XXYLT1: variants seen among roughly 807,000 people sequenced by gnomAD.
XXYLT1 encodes the protein xyloside xylosyltransferase 1.
Under a neutral mutation model 28.9 loss-of-function variants are expected in XXYLT1, and 20 were observed. The ratio of observed to expected loss-of-function variants is 0.69; its 90% CI spans 0.49 to 1.00. XXYLT1 has a LOEUF of 1.00. XXYLT1 is among the 50% of genes least tolerant of loss of function. The pLI is 0.00. For missense variants in XXYLT1, 542 were observed against 560.1 expected (o/e 0.97, Z 0.33); for synonymous variants, 257 against 253.8 (o/e 1.01, Z -0.12).
At chr3:195,071,797 T>C (rs6806857) in intron 3 of XXYLT1, among the ~76,000 whole-genome samples, 42,756 of 151,848 alleles carry the variant, frequency 0.28, 7,252 homozygotes, top group East Asian at 0.62. Flanking sequence ...CAGGGCACCA[T>C]GACATCAGAG....
chr3:195,086,432 A>T (rs192286929), intron 3 of XXYLT1, among the ~76,000 whole-genome samples: 5 of 152,296 alleles, frequency 3.3e-5, no homozygotes, highest in Non-Finnish European at 7.4e-5. Flanking sequence ...CCCTGTCTCC[A>T]TGCATGTGAA....
rs1435559857 is a variant in XXYLT1 at position 195,133,938 on chromosome 3, G to C, written c.785+22511C>G. On this transcript the variant is annotated intron_variant, in intron 3 of 3. Coordinates refer to ENST00000310380, the MANE Select transcript of XXYLT1 (RefSeq NM_152531.5). This position sits in a 1 kb window ranked among gnomAD's most constrained non-coding sequence, Gnocchi z 4.4. ...AAAAAGTATTTACTTTTGGCTGGGT[G>C]TGGAGGCTCATGCCTGTAATCCTGG... 6.6e-6 allele frequency among the ~76,000 whole-genome samples: 1 copy of C among 152,198 alleles called. No individual in the cohort carries two copies. The highest frequency in any genetic ancestry group is 1.5e-5 in the Non-Finnish European group (1 of 68,036).
intron 3 of XXYLT1, among the ~76,000 whole-genome samples, chr3:195,111,757 A>G (rs1322075965): frequency 6.6e-6 from 1 of 152,176 alleles, no homozygotes; most frequent in Non-Finnish European, 1.5e-5. Context: ...ACAGACTTCT[A>G]ACATAAGCTG....
rs373276340 is a variant in XXYLT1, at chr3:195,250,389, C to T, written c.504+20166G>A. ...ACTAGCCTGGCCAACGTGGTGAAAC[C>T]CCGTCTCTACTAAAAAATACAAAAA... On this transcript the variant is annotated intron_variant, in intron 1 of 3. Coordinates refer to ENST00000310380, the MANE Select transcript of XXYLT1 (RefSeq NM_152531.5). Among the ~76,000 whole-genome samples the T allele has an allele frequency of 1.4e-3, 207 of 152,194 alleles. No individual in the cohort carries two copies. The Middle Eastern group carries it at 0.02, about 15-fold the overall frequency.
intron 2 of XXYLT1, among the ~76,000 whole-genome samples, chr3:195,192,000 C>T (rs1207749237): frequency 6.6e-6 from 1 of 152,164 alleles, no homozygotes; most frequent in South Asian, 2.1e-4. Flanking sequence ...GCAACTTGAC[C>T]TAACTGACAT....
intron 2 of XXYLT1, among the ~76,000 whole-genome samples, chr3:195,220,850 C>T (rs1723794418): frequency 6.6e-6 from 1 of 152,220 alleles, no homozygotes; most frequent in Admixed American, 6.5e-5. Flanking sequence ...TGAAAAGTGA[C>T]TATCCACATT....
chr3:195,123,049 G>T (rs930732138), intron 3 of XXYLT1, among the ~76,000 whole-genome samples: 2 of 152,152 alleles, frequency 1.3e-5, no homozygotes, highest in Non-Finnish European at 1.5e-5. Flanking sequence ...TGGAGGAGAT[G>T]ATCTCCATGT....
chr3:195,205,153 T>C (rs1046821501), intron 2 of XXYLT1, among the ~76,000 whole-genome samples: 6 of 152,208 alleles, frequency 3.9e-5, no homozygotes, highest in Admixed American at 6.5e-5. Context: ...AACAAGTAAC[T>C]ACCAAAAGAC....
intron 3 of XXYLT1, among the ~76,000 whole-genome samples, chr3:195,151,645 C>G (rs192767556): frequency 2.0e-5 from 3 of 151,068 alleles, no homozygotes; most frequent in South Asian, 4.2e-4. Context: ...TATAAATAAA[C>G]GATTATTTAT....
At chr3:195,122,177 C>T (rs1283067585) in intron 3 of XXYLT1, 2 of 702,972 alleles carry the variant, frequency 2.8e-6, no homozygotes, top group South Asian at 1.5e-5. Flanking sequence ...TTCATCAGGA[C>T]ACTCATCCCA....
At chr3:195,153,024 G>A (rs7651863) in intron 3 of XXYLT1, among the ~76,000 whole-genome samples, 2 of 152,200 alleles carry the variant, frequency 1.3e-5, no homozygotes, top group African/African-American at 4.8e-5. Flanking sequence ...GGCAAGAGGG[G>A]ACCTCTGTGG....
Position 195,115,538 on chromosome 3 carries a change from C to A in XXYLT1, c.785+40911G>T, listed in dbSNP as rs918046288. Among the ~76,000 whole-genome samples the A allele has an allele frequency of 6.6e-6, 1 of 152,326 alleles. No homozygotes were observed. Among genetic ancestry groups the A allele is most frequent in the East Asian group, 1.9e-4 (1 of 5,184 alleles). ...CACCTGGAGTGGTTTCTGCTTCCTA[C>A]GCGATCCCTGGTTGATAAACCCTGC... is the stretch of plus-strand genomic sequence containing the variant. On this transcript the variant is annotated intron_variant, in intron 3 of 3. Transcript: ENST00000310380. The surrounding 1 kb of genome is among the most constrained non-coding windows in gnomAD (Gnocchi z 4.2).
intron 2 of XXYLT1, among the ~76,000 whole-genome samples, chr3:195,194,143 G>T (rs1722531794): frequency 6.6e-6 from 1 of 151,692 alleles, no homozygotes; most frequent in African/African-American, 2.4e-5. Flanking sequence ...AAAAATATTT[G>T]TAAATCGTAT....
chr3:195,143,855 G>T (rs13074722), intron 3 of XXYLT1, among the ~76,000 whole-genome samples: 1,202 of 75,034 alleles, frequency 0.016, 63 homozygotes, highest in East Asian at 0.14. Flanking sequence ...TATATATATA[G>T]ATATATATAG....
chr3:195,245,137 G>A (rs925296742), intron 1 of XXYLT1, among the ~76,000 whole-genome samples: 1 of 151,214 alleles, frequency 6.6e-6, no homozygotes, highest in Admixed American at 6.6e-5. Context: ...TTGCTCTTCA[G>A]CCTTATGTGT....
At chr3:195,160,140 C>T (rs945113464) in intron 2 of XXYLT1, among the ~76,000 whole-genome samples, 1 of 152,142 alleles carries the variant, frequency 6.6e-6, no homozygotes, top group Non-Finnish European at 1.5e-5. Context: ...CCTTTCCCTT[C>T]TCCTATCCCC....
chr3:195,150,831 TACGCACAC>T lies in XXYLT1; in HGVS notation c.785+5610_785+5617del, dbSNP rs1383818820. Among the ~76,000 whole-genome samples, 115 of 132,240 alleles carry T rather than the reference TACGCACAC, an allele frequency of 8.7e-4. No individual in the cohort carries two copies. The highest frequency in any genetic ancestry group is 3.2e-3 in the African/African-American group (103 of 32,356). 86.8% of individuals were successfully genotyped at this position (132,240 alleles called of 152,430 possible). A position where few individuals can be genotyped will look rare whatever the true frequency, so the allele number is the denominator to read the frequency against. ...ACTCACATACACACACACTCACACA[TACGCACAC>T]TCTCTCACACACTCTCACACACACA... On this transcript the variant is annotated intron_variant, in intron 3 of 3. Coordinates refer to ENST00000310380, the MANE Select transcript of XXYLT1 (RefSeq NM_152531.5). The surrounding 1 kb of genome is among the most constrained non-coding windows in gnomAD (Gnocchi z 4.7).
At chr3:195,126,560 C>T (rs7625086) in intron 3 of XXYLT1, among the ~76,000 whole-genome samples, 2,771 of 152,254 alleles carry the variant, frequency 0.018, 89 homozygotes, top group African/African-American at 0.062. Context: ...CTCAATTCTG[C>T]GACAGTCTCG....
chr3:195,113,268 T>C (rs1040629198), intron 3 of XXYLT1, among the ~76,000 whole-genome samples: 1 of 152,212 alleles, frequency 6.6e-6, no homozygotes, highest in Non-Finnish European at 1.5e-5. Context: ...GGTGAACATC[T>C]GGCGGGAGCT....
Sources: gnomAD v4.1 joint callset for allele counts (sites outside exome capture counted in the v4.1 genomes callset) on GRCh38, gnomAD v4.1.1 for gene constraint, Gnocchi (gnomAD v3.1) non-coding constraint, MANE v1.5 for transcripts, NCBI Gene and HGNC (gene_info 2026-07-23, HGNC 2026-07-21) for gene names.